Variants in CDKAL1 observed in about 807,000 individuals in gnomAD.
CDKAL1 encodes CDKAL1 threonylcarbamoyladenosine tRNA methylthiotransferase, also known as threonylcarbamoyladenosine tRNA methylthiotransferase.
Under a neutral mutation model 68.2 loss-of-function variants are expected in CDKAL1, and 32 were observed. The observed-to-expected ratio is 0.47, with a 90% CI of 0.35 to 0.63. The LOEUF is 0.63. Among genes scored for constraint, CDKAL1 ranks in the 30% least tolerant of loss-of-function variants. CDKAL1 has a pLI of 0.00. For missense variants in CDKAL1, 606 were observed against 696.7 expected, an observed-to-expected ratio of 0.87 and a Z score of 1.47; for synonymous variants, 234 against 244.3, an observed-to-expected ratio of 0.96 and a Z score of 0.39.
intron 8 of CDKAL1, among the ~76,000 whole-genome samples, chr6:20,810,627 G>GGTGTGTGTGTGTGTGTGT (rs57000695): frequency 7.4e-6 from 1 of 134,672 alleles, no homozygotes; most frequent in African/African-American, 2.8e-5. Flanking sequence ...TGTATGTATG[G>GGTGTGTGTGTGTGTGTGT]GTGTGTGTGT....
chr6:20,583,948 G>A (rs1429604205), intron 4 of CDKAL1, among the ~76,000 whole-genome samples: 2 of 151,582 alleles, frequency 1.3e-5, no homozygotes, highest in Non-Finnish European at 2.9e-5. Flanking sequence ...AGTCAGGAAA[G>A]TAAGTATAGG....
chr6:21,056,296 G>C (rs368485801), intron 11 of CDKAL1, among the ~76,000 whole-genome samples: 3 of 152,268 alleles, frequency 2.0e-5, no homozygotes, highest in East Asian at 1.9e-4. Flanking sequence ...TTGTGAATGG[G>C]TGTTCATTCA....
chr6:20,631,093 C>T lies in CDKAL1; in HGVS notation c.287-18200C>T, dbSNP rs62397570. Among the ~76,000 whole-genome samples, 409 of 152,274 alleles carry T rather than the reference C, an allele frequency of 2.7e-3. 2 individuals carry two copies. The highest frequency in any genetic ancestry group is 4.8e-3 in the Non-Finnish European group (329 of 68,016). On this transcript the variant is annotated intron_variant, in intron 4 of 15. Coordinates refer to ENST00000274695, the MANE Select transcript of CDKAL1 (RefSeq NM_017774.3). ...GTCGGCATGGTTTTGTTTTTGCTGCCACTTTTAAGTCCATTGTGTTGTCAC... is the reference window on the plus strand; with the variant it reads ...GTCGGCATGGTTTTGTTTTTGCTGCTACTTTTAAGTCCATTGTGTTGTCAC...
chr6:21,000,109 A>G, intron 10 of CDKAL1, 118 bp from the exon 11 acceptor site: 1 of 678,956 alleles, frequency 1.5e-6, no homozygotes, highest in Non-Finnish European at 2.5e-6. Context: ...AAGAGCCTTG[A>G]TGATTGGTCT....
intron 4 of CDKAL1, among the ~76,000 whole-genome samples, chr6:20,564,980 G>T (rs1445394843): frequency 1.3e-5 from 2 of 152,094 alleles, no homozygotes; most frequent in African/African-American, 2.4e-5. Context: ...TTGACTTGAA[G>T]TGAGGGTTAT....
At position 21,095,674 on chromosome 6, in the gene CDKAL1, G is replaced by A. The variant is rs539323253; in HGVS notation, c.1237-12727G>A. ...CCAACTTCAGAAATTTTCATCCACTGGCTATCTCTGTGTAGTATCCCTTGC... is the reference window on the plus strand; with the variant it reads ...CCAACTTCAGAAATTTTCATCCACTAGCTATCTCTGTGTAGTATCCCTTGC... On this transcript the variant is annotated intron_variant, in intron 12 of 15. Transcript: ENST00000274695. Among the ~76,000 whole-genome samples the A allele has an allele frequency of 8.0e-5, 12 of 150,066 alleles. 1 individual carries two copies. In the South Asian group the frequency reaches 2.5e-3, roughly 31 times the overall value.
intron 5 of CDKAL1, among the ~76,000 whole-genome samples, chr6:20,697,544 T>G (rs2127810952): frequency 6.6e-6 from 1 of 152,316 alleles, no homozygotes; most frequent in South Asian, 2.1e-4. Flanking sequence ...GGTTCTTGAT[T>G]ATTTTTGAGG....
intron 14 of CDKAL1, among the ~76,000 whole-genome samples, chr6:21,199,328 G>A (rs568697754): frequency 2.4e-4 from 36 of 152,270 alleles, no homozygotes; most frequent in Admixed American, 2.4e-3. Flanking sequence ...CAGACTAAAC[G>A]TGCTCTGTTC....
intron 7 of CDKAL1, among the ~76,000 whole-genome samples, chr6:20,779,864 A>C (rs1012445953): frequency 6.6e-6 from 1 of 152,072 alleles, no homozygotes; most frequent in East Asian, 1.9e-4. Flanking sequence ...CCTGGCCAAA[A>C]CTTTATAAAT....
At chr6:20,988,613 G>A (rs997377103) in intron 10 of CDKAL1, among the ~76,000 whole-genome samples, 3 of 151,944 alleles carry the variant, frequency 2.0e-5, no homozygotes, top group Non-Finnish European at 4.4e-5. Flanking sequence ...GGGGGGAAAA[G>A]AGACTGAGAG....
intron 4 of CDKAL1, among the ~76,000 whole-genome samples, chr6:20,575,729 C>T (rs1219190159): frequency 1.3e-5 from 2 of 152,104 alleles, no homozygotes; most frequent in Non-Finnish European, 1.5e-5. Flanking sequence ...ATATTTTTCA[C>T]ATTGTCTGCT....
intron 8 of CDKAL1, among the ~76,000 whole-genome samples, chr6:20,824,391 C>T (rs1300729012): frequency 6.6e-6 from 1 of 152,148 alleles, no homozygotes; most frequent in Non-Finnish European, 1.5e-5. Flanking sequence ...TTAGGGTCCT[C>T]TGCCAGGCTG....
chr6:20,915,269 G>A (rs1762671463), intron 9 of CDKAL1, among the ~76,000 whole-genome samples: 1 of 151,904 alleles, frequency 6.6e-6, no homozygotes, highest in African/African-American at 2.4e-5. Context: ...GATCTTCAGA[G>A]CAACAGAACC....
chr6:20,775,066 T>C (rs1180457765), intron 7 of CDKAL1, among the ~76,000 whole-genome samples: 2 of 152,202 alleles, frequency 1.3e-5, no homozygotes, highest in Non-Finnish European at 2.9e-5. Flanking sequence ...CTCAGAAATA[T>C]AACATTTTTG....
chr6:21,075,110 G>A (rs1771998375), intron 12 of CDKAL1, among the ~76,000 whole-genome samples: 1 of 142,652 alleles, frequency 7.0e-6, no homozygotes, highest in Admixed American at 7.0e-5. Flanking sequence ...ATTATTAGAA[G>A]AAGAGTACAA....
chr6:21,083,662 G>A (rs183805732), intron 12 of CDKAL1, among the ~76,000 whole-genome samples: 102 of 152,220 alleles, frequency 6.7e-4, no homozygotes, highest in South Asian at 2.5e-3. Context: ...CAAGAGCCCC[G>A]ACAATATGTA....
At chr6:20,835,314 ATAAT>A (rs1158144010) in intron 8 of CDKAL1, among the ~76,000 whole-genome samples, 9 of 152,354 alleles carry the variant, frequency 5.9e-5, no homozygotes, top group African/African-American at 1.9e-4. Context: ...GATTATTAAA[ATAAT>A]TATTTATTAA....
chr6:21,044,312 T>C (rs1202624016), intron 11 of CDKAL1, among the ~76,000 whole-genome samples: 1 of 152,210 alleles, frequency 6.6e-6, no homozygotes, highest in African/African-American at 2.4e-5. Context: ...TCTATTACAC[T>C]CTGATTCTGC....
intron 9 of CDKAL1, among the ~76,000 whole-genome samples, chr6:20,847,067 A>G (rs2150496306): frequency 6.6e-6 from 1 of 152,294 alleles, no homozygotes; most frequent in African/African-American, 2.4e-5. Context: ...TAGTCTGTAG[A>G]AAACTTTTAG....
Sources: allele counts gnomAD v4.1 joint callset (sites outside exome capture counted in the v4.1 genomes callset), GRCh38; gene constraint gnomAD v4.1.1; transcripts MANE v1.5; gene names NCBI Gene and HGNC (gene_info 2026-07-23, HGNC 2026-07-21).